SIRT7: variants seen among roughly 807,000 people sequenced by gnomAD.
SIRT7 encodes NAD-dependent protein deacetylase sirtuin-7.
A neutral mutation model predicts 42.8 loss-of-function variants in SIRT7; 32 were observed. The observed-to-expected ratio is 0.75, with a 90% CI of 0.56 to 1.00. The LOEUF is 1.00. Among genes scored for constraint, SIRT7 ranks in the 50% least tolerant of loss-of-function variants. The pLI is 0.00. For missense variants in SIRT7, 553 were observed against 572.2 expected, an observed-to-expected ratio of 0.97 and a Z score of 0.34; for synonymous variants, 297 against 245.2, an observed-to-expected ratio of 1.21 and a Z score of -1.97.
intron 5 of SIRT7, 94 bp downstream of exon 5, chr17:81,915,346 G>A: frequency 7.2e-7 from 1 of 1,397,990 alleles, no homozygotes; most frequent in Non-Finnish European, 9.9e-7. Flanking sequence ...GGAGTCAACT[G>A]GCAGACAGAG....
In SIRT7 at chr17:81,913,169, G is replaced by T; in HGVS notation, c.1005-555C>A. 1 of 419,974 alleles carries T rather than the reference G, an allele frequency of 2.4e-6. No individual in the cohort carries two copies. The allele number at this position is 419,974 out of a possible 1,614,324, so 26.0% of individuals were successfully genotyped here. A position where few individuals can be genotyped will look rare whatever the true frequency, so the allele number is the denominator to read the frequency against. On this transcript the variant is annotated intron_variant, in intron 9 of 9. Transcript: ENST00000328666. This position sits in a 1 kb window ranked among gnomAD's most constrained non-coding sequence, Gnocchi z 5.0. Reference sequence around the variant, plus strand: ...AATGTAAAAAAAAAATACAGTACACGATAGCCCACATCACAGAACACCACA... The same window carrying T: ...AATGTAAAAAAAAAATACAGTACACTATAGCCCACATCACAGAACACCACA...
chr17:81,911,992 C>G lies in SIRT7; in HGVS notation c.*424G>C, dbSNP rs2040667204. On this transcript the variant is annotated 3_prime_UTR_variant, in exon 10 of 10. Transcript: ENST00000328666. ...AAAAGGTCTGCATAGAGCCGAGGCT[C>G]GGAGCCACCCCTCTGCCGCACATCC... 8.6e-6 allele frequency: 2 copies of G among 233,238 alleles called. No individual in the cohort carries two copies. Among genetic ancestry groups the G allele is most frequent in the African/African-American group, 4.7e-5 (2 of 42,298 alleles). 14.4% of individuals were successfully genotyped at this position (233,238 alleles called of 1,614,324 possible). A position where few individuals can be genotyped will look rare whatever the true frequency, so the allele number is the denominator to read the frequency against.
Position 81,912,335 on chromosome 17 carries a change from C to T in SIRT7, c.*81G>A. 6.4e-7 allele frequency: 1 copy of T among 1,555,022 alleles called. No individual in the cohort carries two copies. Among genetic ancestry groups the T allele is most frequent in the Admixed American group, 1.7e-5 (1 of 59,948 alleles). ...GTCATCCCCAAAGAGTTCGTTCTCC[C>T]TAGACCCGTGGGGGCAACCCAGCCT... On this transcript the variant is annotated 3_prime_UTR_variant, in exon 10 of 10. Coordinates refer to ENST00000328666, the MANE Select transcript of SIRT7 (RefSeq NM_016538.3).
chr17:81,918,144 G>C lies in SIRT7; in HGVS notation c.-13C>G. On this transcript the variant is annotated 5_prime_UTR_variant, in exon 1 of 10. Coordinates refer to ENST00000328666, the MANE Select transcript of SIRT7 (RefSeq NM_016538.3). ...CCCCGGCTGCCATCGCTCCCCTGGA[G>C]ACCTGCTCTTCCGCTTCCGCCTCAC... 6.5e-7 allele frequency: 1 copy of C among 1,541,682 alleles called. No homozygotes were observed. Among genetic ancestry groups the C allele is most frequent in the Non-Finnish European group, 8.7e-7 (1 of 1,154,718 alleles).
rs141859850 is a variant in SIRT7 at position 81,912,516 on chromosome 17, G to A, written c.1103C>T (p.Pro368Leu). ...KSLCRSREEA[P>L]PGDRGAPLSS... The stretch of plus-strand genomic sequence containing the variant: ...AAGCGGTGCACCCCGGTCCCCAGGC[G>A]GGGCCTCCTCTCTGCTTCTGCACAG... The change falls in exon 10 of 10, where the codon CCG (proline) becomes CTG (leucine). Residue 368 changes from proline to leucine, a missense_variant. Physicochemically the swap from Pro to Leu is moderately conservative, Grantham distance 98. Transcript: ENST00000328666. 162 of 1,613,834 alleles carry A rather than the reference G, an allele frequency of 1.0e-4. No homozygotes were observed. The African/African-American group carries it at 1.6e-3, about 16-fold the overall frequency.
intron 3 of SIRT7, 31 bp from the exon 4 acceptor site, chr17:81,915,712 C>A (rs1221833186): frequency 1.2e-6 from 2 of 1,609,138 alleles, no homozygotes; most frequent in South Asian, 2.2e-5. Flanking sequence ...TAAGCCAAGT[C>A]AAAAGGCACC....
intron 3 of SIRT7, chr17:81,916,377 A>G (rs1433382177): frequency 1.3e-5 from 2 of 152,334 alleles, no homozygotes; most frequent in Non-Finnish European, 2.9e-5. Context: ...ACTCCGATGA[A>G]ATCCACTAGC....
rs914642405 is a variant in SIRT7, at chr17:81,913,870, T to G, written c.908A>C (p.Lys303Thr). ...TAGCTTCAGGGCAGCCCAGTCATCCTTCGGGGTCCACTGAGGACAGGGAAA... is the reference window on the plus strand; with the variant it reads ...TAGCTTCAGGGCAGCCCAGTCATCCGTCGGGGTCCACTGAGGACAGGGAAA... ...LYIVNLQWTP[K>T]DDWAALKLHG... is the part of the protein sequence containing the mutation. The change falls in exon 9 of 10, where the codon AAG becomes ACG. Residue 303 changes from lysine (K) to threonine (T), a missense_variant. By Grantham distance (78) the Lys-to-Thr change is moderately conservative. Coordinates refer to ENST00000328666, the MANE Select transcript of SIRT7 (RefSeq NM_016538.3). This position sits in a 1 kb window ranked among gnomAD's most constrained non-coding sequence, Gnocchi z 5.0. The G allele has an allele frequency of 1.3e-6, 2 of 1,551,302 alleles. No individual in the cohort carries two copies. Among genetic ancestry groups the G allele is most frequent in the African/African-American group, 2.7e-5 (2 of 73,112 alleles).
chr17:81,917,008 C>G (rs945364300), intron 3 of SIRT7: 1 of 152,244 alleles, frequency 6.6e-6, no homozygotes, highest in Non-Finnish European at 1.5e-5. Context: ...GAGTGTGTGT[C>G]TGAGTTTGCT....
In SIRT7 at chr17:81,912,553, T is replaced by C. The variant is rs752696094; in HGVS notation, c.1066A>G (p.Ser356Gly). Residue 356 changes from serine (S) to glycine (G), a missense_variant, in exon 10 of 10, where the codon AGT becomes GGT. Transcript: ENST00000328666. ...PLRAGEEGSH[S>G]RKSLCRSREE... ...CTGCTTCTGCACAGCGACTTCCGAC[T>C]GTGGCTGCCTTCTTCACCAGCACGC... 6 of 1,613,754 alleles carry C rather than the reference T, an allele frequency of 3.7e-6. No individual in the cohort carries two copies. The South Asian group carries it at 4.4e-5, about 12-fold the overall frequency.
In SIRT7 at chr17:81,917,735, G is replaced by C. The variant is rs759096341; in HGVS notation, c.232-16C>G. 142 of 1,550,744 alleles carry C rather than the reference G, an allele frequency of 9.2e-5. 4 individuals carry two copies. The South Asian group carries it at 1.7e-3, about 18-fold the overall frequency. ...CGTCGCACACCTGCCAAGACGCCAG[G>C]GTGGTCACCGCCCCGGGCCGCCCCA... On this transcript the variant is annotated splice_polypyrimidine_tract_variant and intron_variant, in intron 2 of 9. Transcript: ENST00000328666.
At position 81,913,707 on chromosome 17, in the gene SIRT7, A is replaced by G; in HGVS notation, c.1004+67T>C. 1 of 1,348,504 alleles carries G rather than the reference A, an allele frequency of 7.4e-7. No individual in the cohort carries two copies. Among genetic ancestry groups the G allele is most frequent in the Non-Finnish European group, 1.0e-6 (1 of 966,216 alleles). The allele number at this position is 1,348,504 out of a possible 1,614,324, so 83.5% of individuals were successfully genotyped here. The stretch of plus-strand genomic sequence containing the variant: ...GAGCTTCCTCCACACTCAGCTCACG[A>G]GAGAAGACAGACAAGGCCCAGCACA... On this transcript the variant is annotated intron_variant, in intron 9 of 9. Transcript: ENST00000328666. This position sits in a 1 kb window ranked among gnomAD's most constrained non-coding sequence, Gnocchi z 5.0.
rs753936427 is a variant in SIRT7 at position 81,918,026 on chromosome 17, G to C, written c.93+13C>G. ...GCCGGGCATGGCCGGGCCGGGGAGCGGCGGCGGCGTACCTGGCGGAGGCGC... is the reference window on the plus strand; with the variant it reads ...GCCGGGCATGGCCGGGCCGGGGAGCCGCGGCGGCGTACCTGGCGGAGGCGC... On this transcript the variant is annotated intron_variant, in intron 1 of 9. Transcript: ENST00000328666. 1.0e-5 allele frequency: 15 copies of C among 1,447,352 alleles called. No homozygotes were observed. Among genetic ancestry groups the C allele is most frequent in the Non-Finnish European group, 1.4e-5 (15 of 1,107,038 alleles). The allele number at this position is 1,447,352 out of a possible 1,614,324, so 89.7% of individuals were successfully genotyped here.
intron 5 of SIRT7, 35 bp downstream of exon 5, chr17:81,915,405 C>G (rs756388427): frequency 3.1e-6 from 5 of 1,598,510 alleles, no homozygotes; most frequent in Non-Finnish European, 4.3e-6. Flanking sequence ...TCTGCCTGGT[C>G]CCTGGCAAGT....
rs747459185 is a variant in SIRT7 at position 81,918,056 on chromosome 17, T to C, written c.76A>G (p.Arg26Gly). The change falls in exon 1 of 10, where the codon AGG (arginine) becomes GGG (glycine). Residue 26 changes from arginine to glycine, a missense_variant. Coordinates refer to ENST00000328666, the MANE Select transcript of SIRT7 (RefSeq NM_016538.3). The stretch of plus-strand genomic sequence containing the variant: ...CGGCGTACCTGGCGGAGGCGCTCCC[T>C]CTGCTGCTCCTCCCGCAACCTCCGG... Reference protein sequence around the residue: ...RVRRLREEQQRERLRQVSRIL... With the variant: ...RVRRLREEQQGERLRQVSRIL... 6.5e-7 allele frequency: 1 copy of C among 1,527,558 alleles called. No individual in the cohort carries two copies. Among genetic ancestry groups the C allele is most frequent in the Non-Finnish European group, 8.7e-7 (1 of 1,147,220 alleles). 94.6% of individuals were successfully genotyped at this position (1,527,558 alleles called of 1,614,324 possible).
rs895896378 is a variant in SIRT7 at position 81,914,423 on chromosome 17, C to G, written c.687G>C (p.Gly229=). 11 of 1,613,280 alleles carry G rather than the reference C, an allele frequency of 6.8e-6. No individual in the cohort carries two copies. In the Admixed American group the frequency reaches 1.3e-4, roughly 20 times the overall value. Residue 229 remains glycine, a synonymous_variant, in exon 7 of 10, where the codon GGG becomes GGC. Transcript: ENST00000328666. ...HQTGRTCHKC[G]TQLRDTIVHF... is the part of the protein sequence containing the mutation. ...GCACAATGGTGTCCCGCAGCTGGGTCCCACACTTGTGGCAGGTCCGGCCTG... is the reference window on the plus strand; with the variant it reads ...GCACAATGGTGTCCCGCAGCTGGGTGCCACACTTGTGGCAGGTCCGGCCTG...
In SIRT7 at chr17:81,912,373, T is replaced by G. The variant is rs370769969; in HGVS notation, c.*43A>C. Reference sequence around the variant, plus strand: ...GGCAACCCAGCCTTCACCGTGACACTGGCCATCTGCAAAGTGCCAACTGTT... The same window carrying G: ...GGCAACCCAGCCTTCACCGTGACACGGGCCATCTGCAAAGTGCCAACTGTT... On this transcript the variant is annotated 3_prime_UTR_variant, in exon 10 of 10. Transcript: ENST00000328666. The G allele has an allele frequency of 1.2e-6, 2 of 1,612,158 alleles. No individual in the cohort carries two copies. Among genetic ancestry groups the G allele is most frequent in the Non-Finnish European group, 1.7e-6 (2 of 1,178,516 alleles).
chr17:81,917,417 A>G (rs927977792), intron 3 of SIRT7, 198 bp downstream of exon 3: 4 of 480,690 alleles, frequency 8.3e-6, no homozygotes, highest in African/African-American at 6.0e-5. Context: ...ACTACACCCC[A>G]TTCGTATCTC....
chr17:81,914,561 C>T (rs201829021), intron 6 of SIRT7, 31 bp from the exon 7 acceptor site: 3 of 1,612,544 alleles, frequency 1.9e-6, no homozygotes, highest in Admixed American at 1.7e-5. Context: ...TGAGTGGGAC[C>T]CGCCTGCCCA....
Sources: allele counts gnomAD v4.1 joint callset, GRCh38; gene constraint gnomAD v4.1.1; non-coding constraint Gnocchi (gnomAD v3.1); transcripts MANE v1.5; gene names NCBI Gene and HGNC (gene_info 2026-07-23, HGNC 2026-07-21).